The following LCOR variants were observed in gnomAD, a reference collection of about 807,000 sequenced individuals.
The protein encoded by LCOR is ligand dependent nuclear receptor corepressor, also known as ligand-dependent corepressor.
LCOR carries 14 observed loss-of-function variants against 64.4 expected under a neutral mutation model. The ratio of observed to expected loss-of-function variants is 0.22; its 90% CI spans 0.14 to 0.34. LCOR has a LOEUF of 0.34. Among genes scored for constraint, LCOR ranks in the 10% least tolerant of loss-of-function variants. The probability of loss-of-function intolerance (pLI) is 1.00; values close to 1 mark genes in which losing one functional copy is unlikely to be tolerated. For synonymous variants in LCOR, 643 were observed against 642.5 expected (o/e 1.00, Z -0.01); for missense variants, 1,686 against 1,765.3 (o/e 0.96, Z 0.80).
chr10:96,889,058 G>A (rs933985012), intron 2 of LCOR, among the ~76,000 whole-genome samples: 2 of 152,166 alleles, frequency 1.3e-5, no homozygotes, highest in African/African-American at 4.8e-5. Context: ...GGAGCTTTTA[G>A]TATATTCAAA....
intron 2 of LCOR, among the ~76,000 whole-genome samples, chr10:96,860,231 C>T (rs1845865363): frequency 6.6e-6 from 1 of 152,142 alleles, no homozygotes; most frequent in Non-Finnish European, 1.5e-5. Flanking sequence ...TCTTAACCTC[C>T]AGTGCCTGTG....
chr10:96,921,613 C>G (rs1050012400), intron 4 of LCOR, among the ~76,000 whole-genome samples: 1 of 152,138 alleles, frequency 6.6e-6, no homozygotes, highest in African/African-American at 2.4e-5. Flanking sequence ...AGATGCATGC[C>G]ATCACACCTG....
chr10:96,848,012 C>G (rs1292363840), intron 2 of LCOR, among the ~76,000 whole-genome samples: 1 of 152,092 alleles, frequency 6.6e-6, no homozygotes, highest in African/African-American at 2.4e-5. Flanking sequence ...TATGTTACTT[C>G]TCAGATATTA....
intron 4 of LCOR, among the ~76,000 whole-genome samples, chr10:96,925,804 C>A (rs1847158562): frequency 6.6e-6 from 1 of 152,100 alleles, no homozygotes; most frequent in African/African-American, 2.4e-5. Flanking sequence ...TAGTTTCTTG[C>A]CTAAATCAGT....
intron 4 of LCOR, among the ~76,000 whole-genome samples, chr10:96,912,649 CTTCTT>C (rs1846864274): frequency 1.2e-5 from 1 of 85,548 alleles, no homozygotes. Flanking sequence ...CCTTCCTTTC[CTTCTT>C]TTTCCTTTTT....
rs1293764474 is a variant in LCOR, at chr10:96,991,593, A to C, written c.*6459A>C. 2 of 152,064 alleles carry C rather than the reference A, an allele frequency of 1.3e-5. No homozygotes were observed. The highest frequency in any genetic ancestry group is 3.9e-4 in the East Asian group (2 of 5,186). 9.4% of individuals were successfully genotyped at this position (152,064 alleles called of 1,614,324 possible). On this transcript the variant is annotated 3_prime_UTR_variant, in exon 8 of 8. Transcript: ENST00000421806. ...TGTATCATATACTTGAAGGTTTCTCACTCTTCAAGCTCTGGTCGTGATATG... is the reference window on the plus strand; with the variant it reads ...TGTATCATATACTTGAAGGTTTCTCCCTCTTCAAGCTCTGGTCGTGATATG...
intron 4 of LCOR, among the ~76,000 whole-genome samples, chr10:96,909,942 TAAA>T (rs897417868): frequency 6.6e-6 from 1 of 152,084 alleles, no homozygotes; most frequent in African/African-American, 2.4e-5. Flanking sequence ...TTTTGAAAAA[TAAA>T]AAGAAGAAAC....
chr10:96,863,281 G>A (rs1845919588), intron 2 of LCOR, among the ~76,000 whole-genome samples: 1 of 146,392 alleles, frequency 6.8e-6, no homozygotes, highest in South Asian at 2.1e-4. Flanking sequence ...TCAGCTCACT[G>A]CAACCTCCGC....
chr10:96,966,649 TAAG>T (rs1176775150), intron 7 of LCOR, among the ~76,000 whole-genome samples: 1 of 152,242 alleles, frequency 6.6e-6, no homozygotes, highest in African/African-American at 2.4e-5. Context: ...ATATAGTAGA[TAAG>T]AGTTCTTGTT....
At chr10:96,979,093 T>C (rs900674088) in intron 7 of LCOR, among the ~76,000 whole-genome samples, 1 of 152,042 alleles carries the variant, frequency 6.6e-6, no homozygotes, top group African/African-American at 2.4e-5. Context: ...CAGTGGAGGG[T>C]GGGAAGGTAG....
At chr10:96,930,865 C>G (rs921747454) in intron 4 of LCOR, among the ~76,000 whole-genome samples, 2 of 152,084 alleles carry the variant, frequency 1.3e-5, no homozygotes, top group African/African-American at 4.8e-5. Flanking sequence ...TCACCAGACA[C>G]CGAATGCTGT....
chr10:96,907,054 T>C (rs1846741508), intron 2 of LCOR, among the ~76,000 whole-genome samples: 1 of 152,236 alleles, frequency 6.6e-6, no homozygotes, highest in South Asian at 2.1e-4. Flanking sequence ...TTGAATGTGC[T>C]CAGAATTTGT....
chr10:96,967,754 T>G (rs1470391340), intron 7 of LCOR, among the ~76,000 whole-genome samples: 1 of 152,202 alleles, frequency 6.6e-6, no homozygotes, highest in Non-Finnish European at 1.5e-5. Context: ...GCCTTTTGTT[T>G]ATTTTAAGTT....
chr10:96,851,096 CAGAA>C (rs1235738910), intron 2 of LCOR, among the ~76,000 whole-genome samples: 1 of 152,224 alleles, frequency 6.6e-6, no homozygotes, highest in Non-Finnish European at 1.5e-5. Flanking sequence ...ATTACGCTAA[CAGAA>C]AGGCGTGGAT....
intron 2 of LCOR, among the ~76,000 whole-genome samples, chr10:96,856,902 G>A (rs1471031176): frequency 6.6e-6 from 1 of 151,822 alleles, no homozygotes; most frequent in East Asian, 1.9e-4. Flanking sequence ...AAATGGGGAA[G>A]GTTTGTTTAC....
At chr10:96,953,349 C>T (rs1275845424) in intron 7 of LCOR, among the ~76,000 whole-genome samples, 4 of 152,050 alleles carry the variant, frequency 2.6e-5, no homozygotes, top group African/African-American at 9.6e-5. Flanking sequence ...GTCAGGAGTT[C>T]GAGACAAGCC....
chr10:96,832,323 G>C lies in LCOR; in HGVS notation c.-480G>C. The C allele has an allele frequency of 1.0e-6, 1 of 984,216 alleles. No homozygotes were observed. The highest frequency in any genetic ancestry group is 1.1e-4 in the East Asian group (1 of 8,734). 61.0% of individuals were successfully genotyped at this position (984,216 alleles called of 1,614,324 possible). ...AGAAGATGGCGAGGGTGTGTAGGCGGCAGCAATGCTCCGTTGAGAGACGCG... is the reference window on the plus strand; with the variant it reads ...AGAAGATGGCGAGGGTGTGTAGGCGCCAGCAATGCTCCGTTGAGAGACGCG... On this transcript the variant is annotated 5_prime_UTR_variant, in exon 1 of 8. Transcript: ENST00000421806.
Position 96,984,139 on chromosome 10 carries a change from C to A in LCOR, c.3679C>A (p.Pro1227Thr). The change falls in exon 8 of 8, where the codon CCC (proline) becomes ACC (threonine). Residue 1227 changes from proline to threonine, a missense_variant. Coordinates refer to ENST00000421806, the MANE Select transcript of LCOR (RefSeq NM_001346516.2). The stretch of plus-strand genomic sequence containing the variant: ...GAAATACGCTCCTTCCAGCCTATAT[C>A]CCAGTTCACTACAGGCTGAGCGCTT... ...LQKYAPSSLY[P>T]SSLQAERLKK... 6.2e-7 allele frequency: 1 copy of A among 1,614,190 alleles called. No homozygotes were observed. The highest frequency in any genetic ancestry group is 1.1e-5 in the South Asian group (1 of 91,080).
At chr10:96,965,436 G>A (rs1265822871) in intron 7 of LCOR, among the ~76,000 whole-genome samples, 2 of 151,248 alleles carry the variant, frequency 1.3e-5, no homozygotes, top group East Asian at 2.0e-4. Flanking sequence ...GCCGAGGCGA[G>A]CGGATCACGA....
Sources: gnomAD v4.1 joint callset for allele counts (sites outside exome capture counted in the v4.1 genomes callset) on GRCh38, gnomAD v4.1.1 for gene constraint, MANE v1.5 for transcripts, NCBI Gene and HGNC (gene_info 2026-07-23, HGNC 2026-07-21) for gene names.